Variants in SLC12A7 observed in about 807,000 individuals in gnomAD.
The protein encoded by SLC12A7 is solute carrier family 12 member 7.
A neutral mutation model predicts 120.6 loss-of-function variants in SLC12A7; 100 were observed. The observed-to-expected ratio is 0.83, with a 90% confidence interval of 0.71 to 0.98. The LOEUF is 0.98. Among genes scored for constraint, SLC12A7 ranks in the 50% least tolerant of loss-of-function variants. The pLI, the probability that SLC12A7 is intolerant of heterozygous loss-of-function variation, is 0.00. For synonymous variants in SLC12A7, 760 were observed against 678.0 expected (o/e 1.12, Z -1.88); for missense variants, 1,373 against 1,548.1 (o/e 0.89, Z 1.90).
At chr5:1,053,548 G>C in intron 22 of SLC12A7, 66 bp from the exon 23 acceptor site, 1 of 1,577,516 alleles carries the variant, frequency 6.3e-7, no homozygotes, top group South Asian at 1.2e-5. Flanking sequence ...ACGAGGCTGA[G>C]CTGAGCCCTG....
At chr5:1,143,703 C>T in the SLC12A7 span, among the ~76,000 whole-genome samples, 1 of 152,174 alleles carries the variant, frequency 6.6e-6, no homozygotes, top group African/African-American at 2.4e-5. Context: ...CAGAGCGCTG[C>T]CACCCACTGC....
chr5:1,088,881 G>T, intron 4 of SLC12A7, 101 bp downstream of exon 4: 1 of 1,495,172 alleles, frequency 6.7e-7, no homozygotes, highest in Non-Finnish European at 9.1e-7. Context: ...CCGCCCGAAG[G>T]CACAACCACA....
chr5:1,067,654 A>C (rs1737197345), intron 17 of SLC12A7, among the ~76,000 whole-genome samples: 1 of 151,968 alleles, frequency 6.6e-6, no homozygotes, highest in Non-Finnish European at 1.5e-5. Flanking sequence ...TGCTGTGCTC[A>C]CCCCCACGTG....
At chr5:1,155,295 G>A in the SLC12A7 span, among the ~76,000 whole-genome samples, 2 of 152,154 alleles carry the variant, frequency 1.3e-5, no homozygotes, top group Non-Finnish European at 2.9e-5. Context: ...CCGTGGTCCC[G>A]AGAGAGGCAG....
chr5:1,121,525 C>T, the SLC12A7 span, among the ~76,000 whole-genome samples: 3 of 152,198 alleles, frequency 2.0e-5, no homozygotes, highest in African/African-American at 4.8e-5. Flanking sequence ...CTCAAGTAAT[C>T]GTGGAAAGAG....
At chr5:1,078,962 T>C (rs1301899144) in intron 10 of SLC12A7, among the ~76,000 whole-genome samples, 2 of 152,118 alleles carry the variant, frequency 1.3e-5, no homozygotes, top group African/African-American at 4.8e-5. Flanking sequence ...TGGGGCTCTG[T>C]CCAGCGCCAC....
Position 1,054,051 on chromosome 5 carries a change from T to C in SLC12A7, c.3027-569A>G, listed in dbSNP as rs1418608529. On this transcript the variant is annotated intron_variant, in intron 22 of 23. Coordinates refer to ENST00000264930, the MANE Select transcript of SLC12A7 (RefSeq NM_006598.3). ...TCCCCCACACCGGCCTGTGCAGCCG[T>C]TGCTGCTGAAGCTCCCAGGCCTGAC... Among the ~76,000 whole-genome samples the C allele has an allele frequency of 2.0e-5, 3 of 152,186 alleles. No individual in the cohort carries two copies. The East Asian group carries it at 5.8e-4, about 29-fold the overall frequency.
Position 1,085,476 on chromosome 5 carries a change from G to A in SLC12A7, c.676-3C>T, listed in dbSNP as rs999157780. 1.9e-6 allele frequency: 3 copies of A among 1,603,016 alleles called. No individual in the cohort carries two copies. The highest frequency in any genetic ancestry group is 1.3e-5 in the African/African-American group (1 of 74,870). ...GCCGCACCCGGGGAGATGTACGTCT[G>A]TGGGAACAAGGCCGGTCGGGAGGCC... is the stretch of plus-strand genomic sequence containing the variant. On this transcript the variant is annotated splice_region_variant and splice_polypyrimidine_tract_variant and intron_variant, in intron 6 of 23. Transcript: ENST00000264930.
chr5:1,073,829 C>T (rs1436347301), intron 16 of SLC12A7, 28 bp from the exon 17 acceptor site: 1 of 1,386,190 alleles, frequency 7.2e-7, no homozygotes, highest in Non-Finnish European at 9.4e-7. Context: ...CGGCTGTTAC[C>T]ACGGCAACGC....
the SLC12A7 span, among the ~76,000 whole-genome samples, chr5:1,136,289 T>G: frequency 6.6e-6 from 1 of 151,240 alleles, no homozygotes; most frequent in African/African-American, 2.4e-5. Flanking sequence ...CACCAAGACA[T>G]GAGACACGAC....
At position 1,075,221 on chromosome 5, in the gene SLC12A7, G is replaced by A. The variant is rs1452541650; in HGVS notation, c.1967+150C>T. On this transcript the variant is annotated intron_variant, in intron 15 of 23. Coordinates refer to ENST00000264930, the MANE Select transcript of SLC12A7 (RefSeq NM_006598.3). ...GGGAAACCCCAGCTTTCACAACACA[G>A]CCCACCTGGACGTGCTCCCAGCTGC... 3.0e-5 allele frequency: 34 copies of A among 1,141,334 alleles called. No individual in the cohort carries two copies. The South Asian group carries it at 5.1e-4, about 17-fold the overall frequency. 70.7% of individuals were successfully genotyped at this position (1,141,334 alleles called of 1,614,324 possible).
upstream of SLC12A7, chr5:1,112,158 G>T (rs1743074814): frequency 1.2e-6 from 1 of 809,646 alleles, no homozygotes; most frequent in Non-Finnish European, 1.6e-6. Flanking sequence ...AAGTTGGCCC[G>T]CGGCGACTTC....
the SLC12A7 span, among the ~76,000 whole-genome samples, chr5:1,152,214 TC>T: frequency 6.6e-6 from 1 of 152,094 alleles, no homozygotes; most frequent in Non-Finnish European, 1.5e-5. Context: ...CGTCTGGTGT[TC>T]CCCAGCTCAT....
At chr5:1,067,016 AC>A (rs1403764837) in intron 17 of SLC12A7, among the ~76,000 whole-genome samples, 1 of 151,756 alleles carries the variant, frequency 6.6e-6, no homozygotes, top group African/African-American at 2.4e-5. Context: ...TGGTATCCTC[AC>A]CCCCTACCCT....
chr5:1,085,742 T>C (rs556834650), intron 6 of SLC12A7, among the ~76,000 whole-genome samples: 10 of 114,516 alleles, frequency 8.7e-5, no homozygotes, highest in Admixed American at 8.6e-4. Flanking sequence ...GCACAGGCCA[T>C]GGACAGCCAG....
intron 17 of SLC12A7, among the ~76,000 whole-genome samples, chr5:1,069,833 GAC>G (rs1193989338): frequency 6.6e-6 from 1 of 152,112 alleles, no homozygotes; most frequent in Non-Finnish European, 1.5e-5. Flanking sequence ...GAGAAATGAA[GAC>G]ACAAAGTCTC....
upstream of SLC12A7, chr5:1,112,158 G>A: frequency 2.0e-5 from 16 of 809,638 alleles, no homozygotes; most frequent in Non-Finnish European, 2.6e-5. Context: ...AAGTTGGCCC[G>A]CGGCGACTTC....
intron 1 of SLC12A7, among the ~76,000 whole-genome samples, chr5:1,098,329 C>T (rs866215337): frequency 7.6e-4 from 9 of 11,822 alleles, no homozygotes; most frequent in Non-Finnish European, 8.0e-4. Context: ...CCCAGCCCCC[C>T]TCTAACCCTC....
chr5:1,065,099 G>A (rs1736873412), intron 18 of SLC12A7, among the ~76,000 whole-genome samples, 184 bp downstream of exon 18: 1 of 144,940 alleles, frequency 6.9e-6, no homozygotes, highest in Non-Finnish European at 1.5e-5. Flanking sequence ...GAGACACACA[G>A]GGGACAGTGA....
Sources: gnomAD v4.1 joint callset for allele counts (sites outside exome capture counted in the v4.1 genomes callset) on GRCh38, gnomAD v4.1.1 for gene constraint, MANE v1.5 for transcripts, NCBI Gene and HGNC (gene_info 2026-07-23, HGNC 2026-07-21) for gene names.